Variants in ENTPD6 observed in about 807,000 individuals in gnomAD.
ENTPD6 encodes CD39 antigen-like 2.
ENTPD6 carries 46 observed loss-of-function variants against 61.5 expected under a neutral mutation model. The observed-to-expected ratio is 0.75, with a 90% CI of 0.59 to 0.96. ENTPD6 has a LOEUF of 0.96. ENTPD6 is among the 40% of genes least tolerant of loss of function. The pLI is 0.00. For synonymous variants in ENTPD6, 252 were observed against 255.5 expected (o/e 0.99, Z 0.13); for missense variants, 612 against 629.0 (o/e 0.97, Z 0.29).
intron 1 of ENTPD6, among the ~76,000 whole-genome samples, chr20:25,202,289 C>G (rs529730222): frequency 5.3e-5 from 8 of 152,138 alleles, no homozygotes; most frequent in African/African-American, 1.9e-4. Flanking sequence ...GCAGTTCAAA[C>G]CCATGTTGTT....
chr20:25,210,128 C>T (rs1186724729), intron 4 of ENTPD6, among the ~76,000 whole-genome samples: 2 of 152,220 alleles, frequency 1.3e-5, no homozygotes, highest in African/African-American at 4.8e-5. Context: ...CACCCGGCCC[C>T]ATCCTCTGAC....
At position 25,195,783 on chromosome 20, in the gene ENTPD6, CG is replaced by C. The variant is rs1386897919; in HGVS notation, c.-95del. 2.6e-6 allele frequency: 3 copies of C among 1,152,608 alleles called. No individual in the cohort carries two copies. Among genetic ancestry groups the C allele is most frequent in the Non-Finnish European group, 1.1e-6 (1 of 908,484 alleles). The allele number at this position is 1,152,608 out of a possible 1,614,324, so 71.4% of individuals were successfully genotyped here. On this transcript the variant is annotated 5_prime_UTR_variant, in exon 1 of 15. Coordinates refer to ENST00000376652, the MANE Select transcript of ENTPD6 (RefSeq NM_001247.5). ...GAGGCCGGGGTGGCGCCGGCCGGGG[CG>C]GGGGAGCCCAAAAGACCGGCTGCCG... is the stretch of plus-strand genomic sequence containing the variant.
intron 13 of ENTPD6, chr20:25,224,391 A>AC: frequency 2.5e-6 from 1 of 393,234 alleles, no homozygotes; most frequent in East Asian, 4.0e-5. Flanking sequence ...TACTAGGGTA[A>AC]CCCCAAGAGT....
rs115461647 is a variant in ENTPD6, at chr20:25,213,690, C to T, written c.597+284C>T. ...GTGGGCCGGGCATGGTGGCTCATGC[C>T]TGTACTCCCAGTAATCTGGGAGGCC... On this transcript the variant is annotated intron_variant, in intron 5 of 14. Coordinates refer to ENST00000376652, the MANE Select transcript of ENTPD6 (RefSeq NM_001247.5). Among the ~76,000 whole-genome samples, 723 of 152,328 alleles carry T rather than the reference C, an allele frequency of 4.7e-3. 7 individuals are homozygous for T. Among genetic ancestry groups the T allele is most frequent in the African/African-American group, 0.016 (680 of 41,576 alleles).
chr20:25,218,548 A>G lies in ENTPD6; in HGVS notation c.879-2A>G. On this transcript the variant is annotated splice_acceptor_variant, in intron 9 of 14. Coordinates refer to ENST00000376652, the MANE Select transcript of ENTPD6 (RefSeq NM_001247.5). LOFTEE classifies it high-confidence loss of function. ...GCCCTCACTGAGGTGTCATTCCCAC[A>G]GCTACCTCGGGCTCGGGCTGATGTC... 2 of 1,604,106 alleles carry G rather than the reference A, an allele frequency of 1.2e-6. No individual in the cohort carries two copies. Among genetic ancestry groups the G allele is most frequent in the Non-Finnish European group, 1.7e-6 (2 of 1,177,298 alleles).
At position 25,225,691 on chromosome 20, in the gene ENTPD6, C is replaced by A; in HGVS notation, c.*94C>A. ...GACTTCATCCTGAGGAGCCACAGCACAGGCCGTGCTGGCACTTTCTGCACA... is the reference window on the plus strand; with the variant it reads ...GACTTCATCCTGAGGAGCCACAGCAAAGGCCGTGCTGGCACTTTCTGCACA... On this transcript the variant is annotated 3_prime_UTR_variant, in exon 15 of 15. Coordinates refer to ENST00000376652, the MANE Select transcript of ENTPD6 (RefSeq NM_001247.5). 1.9e-6 allele frequency: 2 copies of A among 1,073,628 alleles called. No homozygotes were observed. The highest frequency in any genetic ancestry group is 2.8e-6 in the Non-Finnish European group (2 of 721,016). The allele number at this position is 1,073,628 out of a possible 1,614,324, so 66.5% of individuals were successfully genotyped here.
intron 7 of ENTPD6, among the ~76,000 whole-genome samples, 165 bp from the exon 8 acceptor site, chr20:25,216,483 C>G (rs2092319304): frequency 6.6e-6 from 1 of 152,180 alleles, no homozygotes; most frequent in Admixed American, 6.5e-5. Context: ...AGCCATTACT[C>G]TTGTCCCTTA....
intron 13 of ENTPD6, chr20:25,224,583 A>G: frequency 6.3e-6 from 1 of 159,268 alleles, no homozygotes; most frequent in African/African-American, 2.4e-5. Flanking sequence ...CGCCTGGCCC[A>G]GCAGCCAAGC....
chr20:25,222,461 A>C, intron 11 of ENTPD6: 1 of 186,968 alleles, frequency 5.3e-6, no homozygotes, highest in East Asian at 1.4e-4. Context: ...TCTATGACAT[A>C]GGGAGGGTGC....
At position 25,207,619 on chromosome 20, in the gene ENTPD6, G is replaced by C. The variant is rs2091619208; in HGVS notation, c.376+222G>C. Among the ~76,000 whole-genome samples the C allele has an allele frequency of 2.0e-5, 3 of 152,222 alleles. No homozygotes were observed. In the South Asian group the frequency reaches 6.2e-4, roughly 32 times the overall value. On this transcript the variant is annotated intron_variant, in intron 3 of 14. Transcript: ENST00000376652. ...CATGCTGAAGGGCAGCTGAGACCTT[G>C]AGGTGTTTGGTGGCCTGTCCCCTCC...
At chr20:25,209,346 G>A (rs1377791526) in intron 3 of ENTPD6, among the ~76,000 whole-genome samples, 3 of 151,480 alleles carry the variant, frequency 2.0e-5, no homozygotes, top group East Asian at 1.9e-4. Context: ...TCCTGACCTC[G>A]TGATCTGCTC....
At chr20:25,211,467 C>T (rs1389095194) in intron 4 of ENTPD6, among the ~76,000 whole-genome samples, 2 of 152,190 alleles carry the variant, frequency 1.3e-5, no homozygotes, top group Non-Finnish European at 2.9e-5. Context: ...CGTCCTGGCT[C>T]TCTTAGCATC....
chr20:25,217,627 T>G, intron 9 of ENTPD6, 46 bp downstream of exon 9: 1 of 1,551,594 alleles, frequency 6.4e-7, no homozygotes, highest in South Asian at 1.1e-5. Context: ...GGGGTGGGTA[T>G]GCAGCTCCCA....
intron 1 of ENTPD6, among the ~76,000 whole-genome samples, chr20:25,204,643 C>G (rs2091316406): frequency 6.6e-6 from 1 of 152,184 alleles, no homozygotes; most frequent in African/African-American, 2.4e-5. Flanking sequence ...GACTTCCTAT[C>G]TGGGCTCTGA....
chr20:25,201,624 C>A (rs1312263438), intron 1 of ENTPD6, among the ~76,000 whole-genome samples: 1 of 152,206 alleles, frequency 6.6e-6, no homozygotes, highest in Non-Finnish European at 1.5e-5. Context: ...CTTTTCCATT[C>A]TTTTACTTTC....
intron 8 of ENTPD6, 97 bp from the exon 9 acceptor site, chr20:25,217,405 A>G: frequency 8.6e-7 from 1 of 1,169,312 alleles, no homozygotes; most frequent in Non-Finnish European, 1.3e-6. Flanking sequence ...AATTGGCTGC[A>G]CCTGACCATC....
At chr20:25,219,101 C>T (rs140789643) in intron 10 of ENTPD6, among the ~76,000 whole-genome samples, 99 of 152,292 alleles carry the variant, frequency 6.5e-4, no homozygotes, top group Non-Finnish European at 1.1e-3. Context: ...AGTATGGTCT[C>T]GAAATCCTAC....
In ENTPD6 at chr20:25,207,408, C is replaced by T. The variant is rs2091595449; in HGVS notation, c.376+11C>T. 5 of 1,518,466 alleles carry T rather than the reference C, an allele frequency of 3.3e-6. No individual in the cohort carries two copies. Among genetic ancestry groups the T allele is most frequent in the Non-Finnish European group, 4.4e-6 (5 of 1,131,502 alleles). The allele number at this position is 1,518,466 out of a possible 1,614,324, so 94.1% of individuals were successfully genotyped here. On this transcript the variant is annotated intron_variant, in intron 3 of 14. Coordinates refer to ENST00000376652, the MANE Select transcript of ENTPD6 (RefSeq NM_001247.5). ...CCCGGCCCCCCAGAGGTACCCGCCT[C>T]TCATGGCAGGGCTCTCGGGATCTCC...
At chr20:25,225,339 G>A (rs372466277) in intron 14 of ENTPD6, 22 bp downstream of exon 14, 111 of 1,611,580 alleles carry the variant, frequency 6.9e-5, no homozygotes, top group African/African-American at 3.5e-4. Flanking sequence ...CTCAGGTCAC[G>A]CCCCAGCCCC....
Sources: allele counts gnomAD v4.1 joint callset (sites outside exome capture counted in the v4.1 genomes callset), GRCh38; gene constraint gnomAD v4.1.1; transcripts MANE v1.5; gene names NCBI Gene and HGNC (gene_info 2026-07-23, HGNC 2026-07-21).